Variants in CEP70 observed in about 807,000 individuals in gnomAD.
The protein encoded by CEP70 is centrosomal protein 70, also known as centrosomal protein of 70 kDa.
Under a neutral mutation model 90.9 loss-of-function variants are expected in CEP70, and 70 were observed. That is an observed-to-expected ratio of 0.77 (90% CI 0.64 to 0.94). CEP70 has a LOEUF of 0.94. Ranked by LOEUF, CEP70 falls within the 40% of genes least tolerant of loss-of-function variation. The pLI is 0.00. For missense variants in CEP70, 648 were observed against 669.0 expected (o/e 0.97, Z 0.35); for synonymous variants, 220 against 228.3 (o/e 0.96, Z 0.33).
chr3:138,555,248 C>CA (rs200406072), intron 6 of CEP70, among the ~76,000 whole-genome samples: 61 of 127,166 alleles, frequency 4.8e-4, no homozygotes, highest in Non-Finnish European at 6.3e-4. Flanking sequence ...GACTCCATCT[C>CA]AAAAAAAAAA....
rs141767319 is a variant in CEP70 at position 138,561,852 on chromosome 3, G to A, written c.465+8466C>T. ...ATCCTGGCTAACACAGTGAAACCCC[G>A]TCTGTACTAAAAATACAAAAAATTA... On this transcript the variant is annotated intron_variant, in intron 6 of 17. Coordinates refer to ENST00000264982, the MANE Select transcript of CEP70 (RefSeq NM_024491.4). Among the ~76,000 whole-genome samples the A allele has an allele frequency of 3.9e-3, 599 of 151,686 alleles. 3 individuals carry two copies. The highest frequency in any genetic ancestry group is 0.014 in the African/African-American group (573 of 41,390).
chr3:138,551,960 T>C (rs1367237761), intron 6 of CEP70, among the ~76,000 whole-genome samples: 1 of 152,144 alleles, frequency 6.6e-6, no homozygotes, highest in South Asian at 2.1e-4. Flanking sequence ...TACATAAATG[T>C]CAGGTAAAGG....
chr3:138,507,171 C>T (rs1227205271), intron 12 of CEP70, among the ~76,000 whole-genome samples: 1 of 152,066 alleles, frequency 6.6e-6, no homozygotes, highest in South Asian at 2.1e-4. Context: ...TTCCCATTTA[C>T]AATAGCAATA....
intron 2 of CEP70, among the ~76,000 whole-genome samples, chr3:138,584,152 A>T (rs1484283439): frequency 6.6e-6 from 1 of 152,094 alleles, no homozygotes; most frequent in Non-Finnish European, 1.5e-5. Flanking sequence ...CTATATACCA[A>T]TAAACTAGAA....
At chr3:138,500,001 G>A in intron 16 of CEP70, 109 bp downstream of exon 16, 1 of 751,356 alleles carries the variant, frequency 1.3e-6, no homozygotes, top group Non-Finnish European at 2.4e-6. Context: ...TAAACTCCTG[G>A]GTTCAAGTGA....
At chr3:138,576,497 A>C (rs545020229) in intron 2 of CEP70, among the ~76,000 whole-genome samples, 1 of 152,188 alleles carries the variant, frequency 6.6e-6, no homozygotes, top group African/African-American at 2.4e-5. Flanking sequence ...CCACACAATA[A>C]TAATAGGAGA....
At chr3:138,510,924 G>A (rs1234731273) in intron 11 of CEP70, among the ~76,000 whole-genome samples, 1 of 142,222 alleles carries the variant, frequency 7.0e-6, no homozygotes, top group African/African-American at 2.6e-5. Flanking sequence ...GCAATGGCAC[G>A]ATCTCAGCTC....
At chr3:138,496,396 AT>A (rs2033960218) in intron 17 of CEP70, 2 of 985,358 alleles carry the variant, frequency 2.0e-6, no homozygotes. Flanking sequence ...CAGAAACAAT[AT>A]AAGCAAACCT....
chr3:138,537,144 T>C, intron 7 of CEP70, 34 bp downstream of exon 7: 5 of 1,420,914 alleles, frequency 3.5e-6, no homozygotes, highest in Non-Finnish European at 4.7e-6. Flanking sequence ...CAACAATGAA[T>C]CTAGCTACAT....
intron 6 of CEP70, among the ~76,000 whole-genome samples, chr3:138,567,813 T>C (rs966674692): frequency 6.6e-6 from 1 of 152,204 alleles, no homozygotes; most frequent in Non-Finnish European, 1.5e-5. Context: ...ATATATGATA[T>C]AAACATATTC....
intron 6 of CEP70, among the ~76,000 whole-genome samples, chr3:138,545,755 T>A (rs2039142361): frequency 6.6e-6 from 1 of 152,176 alleles, no homozygotes; most frequent in Non-Finnish European, 1.5e-5. Flanking sequence ...ACGGCCGCTC[T>A]GGGAGTGTCT....
intron 8 of CEP70, among the ~76,000 whole-genome samples, chr3:138,529,975 A>C (rs186517680): frequency 1.3e-5 from 2 of 152,352 alleles, no homozygotes; most frequent in African/African-American, 4.8e-5. Flanking sequence ...TATTTGAATA[A>C]GTCAATCTCT....
chr3:138,577,764 A>C (rs2041631559), intron 2 of CEP70, among the ~76,000 whole-genome samples: 1 of 152,234 alleles, frequency 6.6e-6, no homozygotes, highest in African/African-American at 2.4e-5. Context: ...AATCCATATC[A>C]GTAATTACAT....
In CEP70 at chr3:138,500,524, G is replaced by A. The variant is rs1386209738; in HGVS notation, c.1412C>T (p.Ser471Phe). Reference sequence around the variant, plus strand: ...CACATCAAATAACTTTTGGAAGTGAGAAACAATAGCTTGCAAAGTTTGAAA... The same window carrying A: ...CACATCAAATAACTTTTGGAAGTGAAAAACAATAGCTTGCAAAGTTTGAAA... Reference protein sequence around the residue: ...PHFQTLQAIVSHFQKLFDVPS... With the variant: ...PHFQTLQAIVFHFQKLFDVPS... Residue 471 changes from serine (S) to phenylalanine (F), a missense_variant, in exon 15 of 18, where the codon TCT (serine) becomes TTT (phenylalanine). Physicochemically the swap from Ser to Phe is radical, Grantham distance 155. Transcript: ENST00000264982. The A allele has an allele frequency of 6.2e-7, 1 of 1,610,858 alleles. No homozygotes were observed. The highest frequency in any genetic ancestry group is 2.2e-5 in the East Asian group (1 of 44,776).
chr3:138,594,014 G>A (rs552885042), intron 1 of CEP70, 184 bp downstream of exon 1: 28 of 152,440 alleles, frequency 1.8e-4, no homozygotes, highest in African/African-American at 6.5e-4. Context: ...GCTGGGACTG[G>A]AGGCAGTTTT....
At chr3:138,515,506 G>C (rs1368778833) in intron 11 of CEP70, among the ~76,000 whole-genome samples, 1 of 148,752 alleles carries the variant, frequency 6.7e-6, no homozygotes, top group Non-Finnish European at 1.5e-5. Flanking sequence ...TAAATAGATG[G>C]ACAAAAGGAC....
chr3:138,495,561 G>T (rs559960707), intron 17 of CEP70, among the ~76,000 whole-genome samples: 1 of 152,142 alleles, frequency 6.6e-6, no homozygotes, highest in African/African-American at 2.4e-5. Flanking sequence ...AAGATGAAAG[G>T]TATCTGCCAG....
intron 2 of CEP70, among the ~76,000 whole-genome samples, chr3:138,584,561 A>T (rs1400665760): frequency 1.3e-5 from 2 of 151,998 alleles, no homozygotes; most frequent in African/African-American, 2.4e-5. Context: ...CTAGCAAACC[A>T]AATTCAACAA....
chr3:138,549,728 T>C (rs564461191), intron 6 of CEP70, among the ~76,000 whole-genome samples: 3 of 152,276 alleles, frequency 2.0e-5, no homozygotes, highest in Admixed American at 1.3e-4. Context: ...CACTCTTGAA[T>C]GTGCCACCTC....
Sources: gnomAD v4.1 joint callset for allele counts (sites outside exome capture counted in the v4.1 genomes callset) on GRCh38, gnomAD v4.1.1 for gene constraint, MANE v1.5 for transcripts, NCBI Gene and HGNC (gene_info 2026-07-23, HGNC 2026-07-21) for gene names.